Variants in PDLIM4 observed in about 807,000 individuals in gnomAD.
The protein encoded by PDLIM4 is PDZ and LIM domain 4, also known as PDZ and LIM domain protein 4.
Under a neutral mutation model 31.3 loss-of-function variants are expected in PDLIM4, and 19 were observed. The observed-to-expected ratio is 0.61, with a 90% CI of 0.42 to 0.89. PDLIM4 has a LOEUF of 0.89. Among genes scored for constraint, PDLIM4 ranks in the 40% least tolerant of loss-of-function variants. The pLI, the probability that PDLIM4 is intolerant of heterozygous loss-of-function variation, is 0.00. For synonymous variants in PDLIM4, 176 were observed against 190.1 expected (o/e 0.93, Z 0.61); for missense variants, 442 against 461.1 (o/e 0.96, Z 0.38).
At chr5:132,259,959 C>T (rs1453210243) in intron 1 of PDLIM4, among the ~76,000 whole-genome samples, 1 of 150,722 alleles carries the variant, frequency 6.6e-6, no homozygotes, top group African/African-American at 2.5e-5. Flanking sequence ...CTTATTTATG[C>T]CCAGCCTCCT....
Position 132,266,500 on chromosome 5 carries a change from C to T in PDLIM4, c.282C>T (p.Asp94=), listed in dbSNP as rs1433859940. Residue 94 remains aspartate (D), a synonymous_variant, in exon 3 of 7, where the codon GAC becomes GAT. Transcript: ENST00000253754. ...GGAGCTGGCCCAGTGCCCCTGATGA[C>T]AGCAAGGCTCAGGCACACAGGATCC... ...EGRSWPSAPD[D]SKAQAHRIHI... 9 of 1,613,258 alleles carry T rather than the reference C, an allele frequency of 5.6e-6. No homozygotes were observed. The highest frequency in any genetic ancestry group is 2.2e-5 in the South Asian group (2 of 91,018).
Position 132,272,204 on chromosome 5 carries a change from C to G in PDLIM4, c.968C>G (p.Pro323Arg). The stretch of plus-strand genomic sequence containing the variant: ...GGCTACGACGTGGTGGCGGTGTACC[C>G]CAATGCCAAGGTGGAACTCGTCTGA... ...PEGYDVVAVY[P>R]NAKVELV Residue 323 changes from proline (P) to arginine (R), a missense_variant, in exon 7 of 7, where the codon CCC becomes CGC. By Grantham distance (103) the Pro-to-Arg change is moderately radical. Transcript: ENST00000253754. 1 of 1,614,116 alleles carries G rather than the reference C, an allele frequency of 6.2e-7. No homozygotes were observed. Among genetic ancestry groups the G allele is most frequent in the Non-Finnish European group, 8.5e-7 (1 of 1,179,976 alleles).
chr5:132,266,490 C>A lies in PDLIM4; in HGVS notation c.272C>A (p.Ala91Asp). 6.2e-7 allele frequency: 1 copy of A among 1,612,860 alleles called. No homozygotes were observed. The change falls in exon 3 of 7, where the codon GCC becomes GAC. Residue 91 changes from alanine (A) to aspartate (D), a missense_variant. By Grantham distance (126) the Ala-to-Asp change is moderately radical. Transcript: ENST00000253754. ...CCTGAGGGTAGGAGCTGGCCCAGTG[C>A]CCCTGATGACAGCAAGGCTCAGGCA... is the stretch of plus-strand genomic sequence containing the variant. ...SRPEGRSWPS[A>D]PDDSKAQAHR...
chr5:132,270,791 G>A (rs1756589698), intron 3 of PDLIM4, 124 bp from the exon 4 acceptor site: 2 of 825,584 alleles, frequency 2.4e-6, no homozygotes, highest in East Asian at 2.4e-5. Context: ...GGCCAGAGAT[G>A]CCGAAGCAGA....
intron 1 of PDLIM4, among the ~76,000 whole-genome samples, chr5:132,258,455 C>T (rs1756293906): frequency 2.6e-5 from 4 of 152,224 alleles, no homozygotes; most frequent in African/African-American, 7.2e-5. Context: ...GACACAAAGC[C>T]GGGGGCCAGG....
chr5:132,264,615 TCAA>T (rs1756449495), intron 2 of PDLIM4, among the ~76,000 whole-genome samples: 1 of 151,236 alleles, frequency 6.6e-6, no homozygotes, highest in Non-Finnish European at 1.5e-5. Context: ...CTCTGGGGGA[TCAA>T]GACATGAGGG....
chr5:132,271,279 CCTCTATTTCTTT>C lies in PDLIM4; in HGVS notation c.507-20_507-9del, dbSNP rs761615668. 4 of 1,580,230 alleles carry C rather than the reference CCTCTATTTCTTT, an allele frequency of 2.5e-6. No individual in the cohort carries two copies. The Admixed American group carries it at 6.8e-5, about 27-fold the overall frequency. On this transcript the variant is annotated splice_polypyrimidine_tract_variant and intron_variant, in intron 4 of 6. Transcript: ENST00000253754. ...GAAGGCTGGAACTGCATCCCTTCCT[CCTCTATTTCTTT>C]CTCCCTCCCAGCGCTGACCCAGCCA...
chr5:132,258,772 G>A, intron 1 of PDLIM4, among the ~76,000 whole-genome samples: 1 of 152,256 alleles, frequency 6.6e-6, no homozygotes, highest in Non-Finnish European at 1.5e-5. Flanking sequence ...AAGGAGCAGA[G>A]GAGATAACCT....
At position 132,272,016 on chromosome 5, in the gene PDLIM4, C is replaced by T. The variant is rs1192112477; in HGVS notation, c.789-9C>T. The T allele has an allele frequency of 1.2e-6, 2 of 1,613,548 alleles. No homozygotes were observed. On this transcript the variant is annotated splice_polypyrimidine_tract_variant and intron_variant, in intron 6 of 6. Coordinates refer to ENST00000253754, the MANE Select transcript of PDLIM4 (RefSeq NM_003687.4). ...ACTCGACGCTGTCCTGTCTCGTTCC[C>T]CCCATCAGGGGCACCATCGTCAAGG...
At chr5:132,259,489 C>T (rs1756327636) in intron 1 of PDLIM4, among the ~76,000 whole-genome samples, 2 of 152,138 alleles carry the variant, frequency 1.3e-5, no homozygotes, top group Admixed American at 1.3e-4. Context: ...TCCTTTGTCC[C>T]CCAAAGTCAC....
chr5:132,259,976 G>T (rs1210439566), intron 1 of PDLIM4, among the ~76,000 whole-genome samples: 1 of 152,160 alleles, frequency 6.6e-6, no homozygotes, highest in African/African-American at 2.4e-5. Flanking sequence ...TCCTGTGGGG[G>T]CTTTACATGC....
chr5:132,266,670 A>C (rs1262713573), intron 3 of PDLIM4, 125 bp downstream of exon 3: 1 of 597,436 alleles, frequency 1.7e-6, no homozygotes, highest in Non-Finnish European at 2.9e-6. Context: ...ACAGAGACTG[A>C]AGCAGAAGTT....
chr5:132,260,861 A>G (rs867835408), intron 1 of PDLIM4, among the ~76,000 whole-genome samples: 4 of 152,174 alleles, frequency 2.6e-5, no homozygotes, highest in Admixed American at 6.5e-5. Context: ...CCCTAGCTCA[A>G]TAGAGCTGGC....
intron 3 of PDLIM4, 50 bp downstream of exon 3, chr5:132,266,595 C>A (rs1465665175): frequency 1.4e-5 from 17 of 1,241,194 alleles, no homozygotes; most frequent in Non-Finnish European, 1.9e-5. Flanking sequence ...GAGCCCAGGG[C>A]AGAGGGGCCA....
intron 1 of PDLIM4, 73 bp from the exon 2 acceptor site, chr5:132,262,536 G>A: frequency 7.3e-7 from 1 of 1,366,598 alleles, no homozygotes; most frequent in Middle Eastern, 2.2e-4. Context: ...TGAGGTTGGA[G>A]GAGGCCTAGG....
In PDLIM4 at chr5:132,271,314, C is replaced by A; in HGVS notation, c.518C>A (p.Ala173Asp). 6.3e-7 allele frequency: 1 copy of A among 1,595,944 alleles called. No homozygotes were observed. Among genetic ancestry groups the A allele is most frequent in the Non-Finnish European group, 8.5e-7 (1 of 1,172,632 alleles). Residue 173 changes from alanine (A) to aspartate (D), a missense_variant, in exon 5 of 7, where the codon GCC (alanine) becomes GAC (aspartate). By Grantham distance (126) the Ala-to-Asp change is moderately radical (BLOSUM62 -2). Coordinates refer to ENST00000253754, the MANE Select transcript of PDLIM4 (RefSeq NM_003687.4). ...TTTCTCCCTCCCAGCGCTGACCCAG[C>A]CAGAGGCCTCCCGCGGAGCCGGGAC... ...HVSPPPSADP[A>D]RGLPRSRDCR... is the part of the protein sequence containing the mutation.
chr5:132,262,562 A>C, intron 1 of PDLIM4, 47 bp from the exon 2 acceptor site: 1 of 1,525,048 alleles, frequency 6.6e-7, no homozygotes, highest in Non-Finnish European at 8.9e-7. Context: ...GCTTGCAGCA[A>C]GACCATATCA....
At chr5:132,268,339 C>CCTCT (rs969059037) in intron 3 of PDLIM4, among the ~76,000 whole-genome samples, 1 of 152,040 alleles carries the variant, frequency 6.6e-6, no homozygotes, top group African/African-American at 2.4e-5. Flanking sequence ...CTGCTCCCAC[C>CCTCT]CTCTGCCTGA....
chr5:132,261,917 T>A (rs553559823), intron 1 of PDLIM4, among the ~76,000 whole-genome samples: 3 of 152,230 alleles, frequency 2.0e-5, no homozygotes, highest in South Asian at 2.1e-4. Context: ...GAAAAGGTGG[T>A]CATGGGAGCA....
Sources: allele counts gnomAD v4.1 joint callset (sites outside exome capture counted in the v4.1 genomes callset), GRCh38; gene constraint gnomAD v4.1.1; transcripts MANE v1.5; gene names NCBI Gene and HGNC (gene_info 2026-07-23, HGNC 2026-07-21).